The following WNT2 variants were observed in gnomAD, a reference collection of about 807,000 sequenced individuals.
WNT2 encodes the protein protein Wnt-2.
WNT2 carries 12 observed loss-of-function variants against 36.9 expected under a neutral mutation model. The observed-to-expected ratio is 0.33, with a 90% CI of 0.21 to 0.53. The LOEUF (loss-of-function observed/expected upper bound fraction) is 0.53, where lower values mean the gene tolerates loss of function less well. Among genes scored for constraint, WNT2 ranks in the 20% least tolerant of loss-of-function variants. The probability of loss-of-function intolerance (pLI) is 0.95; values close to 1 mark genes in which losing one functional copy is unlikely to be tolerated. For synonymous variants in WNT2, 163 were observed against 174.6 expected (o/e 0.93, Z 0.52); for missense variants, 379 against 473.1 (o/e 0.80, Z 1.84).
intron 4 of WNT2, among the ~76,000 whole-genome samples, chr7:117,281,301 G>A (rs894082511): frequency 1.7e-4 from 26 of 152,228 alleles, no homozygotes; most frequent in East Asian, 7.7e-4. Context: ...GCAGTGGCAC[G>A]AACATGGCTC....
At chr7:117,312,920 T>C (rs1370328913) in intron 3 of WNT2, among the ~76,000 whole-genome samples, 1 of 152,222 alleles carries the variant, frequency 6.6e-6, no homozygotes, top group Non-Finnish European at 1.5e-5. Flanking sequence ...ATAGATGGTT[T>C]TTAAAAAAAT....
Position 117,309,874 on chromosome 7 carries a change from A to G in WNT2, c.588+5197T>C, listed in dbSNP as rs1795089234. 3.9e-5 allele frequency among the ~76,000 whole-genome samples: 6 copies of G among 152,182 alleles called. No homozygotes were observed. The South Asian group carries it at 1.2e-3, about 31-fold the overall frequency. On this transcript the variant is annotated intron_variant, in intron 3 of 4. Coordinates refer to ENST00000265441, the MANE Select transcript of WNT2 (RefSeq NM_003391.3). ...TAATAAACACCCAGAAGCTTTCTAT[A>G]TCAGTACTTATATGTATATTTAAGG...
intron 3 of WNT2, among the ~76,000 whole-genome samples, chr7:117,314,281 G>A (rs1000766952): frequency 2.0e-5 from 3 of 152,200 alleles, no homozygotes; most frequent in African/African-American, 7.2e-5. Flanking sequence ...AAAGACATGG[G>A]TCATCAGTGG....
At chr7:117,292,786 G>A (rs564658865) in intron 4 of WNT2, among the ~76,000 whole-genome samples, 5 of 152,280 alleles carry the variant, frequency 3.3e-5, no homozygotes, top group African/African-American at 1.2e-4. Flanking sequence ...GACATGGTGG[G>A]AGATGTTTTT....
intron 4 of WNT2, among the ~76,000 whole-genome samples, chr7:117,282,009 C>CT (rs771850894): frequency 6.6e-6 from 1 of 152,020 alleles, no homozygotes; most frequent in African/African-American, 2.4e-5. Context: ...AAGGGTGGGA[C>CT]TTTAAGATTA....
intron 4 of WNT2, among the ~76,000 whole-genome samples, chr7:117,283,508 T>A (rs560086351): frequency 9.2e-5 from 14 of 152,330 alleles, no homozygotes; most frequent in African/African-American, 3.1e-4. Context: ...GAAATCTAAC[T>A]TGGTAGTCTT....
At chr7:117,304,672 A>G (rs553508455) in intron 3 of WNT2, among the ~76,000 whole-genome samples, 1 of 152,170 alleles carries the variant, frequency 6.6e-6, no homozygotes, top group East Asian at 1.9e-4. Context: ...CTGACCTCAG[A>G]TGATCCACCC....
chr7:117,302,766 G>A (rs1259233759), intron 3 of WNT2, among the ~76,000 whole-genome samples: 1 of 152,150 alleles, frequency 6.6e-6, no homozygotes, highest in African/African-American at 2.4e-5. Context: ...CTTACAGGCA[G>A]GAAAGAAAGT....
intron 3 of WNT2, among the ~76,000 whole-genome samples, chr7:117,311,314 T>C (rs1795118373): frequency 6.6e-6 from 1 of 152,230 alleles, no homozygotes; most frequent in Admixed American, 6.5e-5. Flanking sequence ...CTGCTGGTTT[T>C]TCCCCCGTAC....
At chr7:117,280,854 T>C (rs1393025494) in intron 4 of WNT2, among the ~76,000 whole-genome samples, 1 of 152,246 alleles carries the variant, frequency 6.6e-6, no homozygotes, top group Non-Finnish European at 1.5e-5. Flanking sequence ...CAAGTGTTTA[T>C]TGAGTGACTA....
At chr7:117,297,947 C>A in intron 3 of WNT2, 71 bp from the exon 4 acceptor site, 1 of 1,518,980 alleles carries the variant, frequency 6.6e-7, no homozygotes, top group Non-Finnish European at 8.9e-7. Context: ...CTCCTTACCT[C>A]CCAGCAATCC....
At chr7:117,312,482 T>G (rs551906749) in intron 3 of WNT2, among the ~76,000 whole-genome samples, 1 of 152,330 alleles carries the variant, frequency 6.6e-6, no homozygotes, top group South Asian at 2.1e-4. Flanking sequence ...TGCATGTAAT[T>G]TACCTAAAAC....
At position 117,297,620 on chromosome 7, in the gene WNT2, C is replaced by T. The variant is rs140771690; in HGVS notation, c.845G>A (p.Arg282Gln). 38 of 1,604,980 alleles carry T rather than the reference C, an allele frequency of 2.4e-5. No individual in the cohort carries two copies. Among genetic ancestry groups the T allele is most frequent in the African/African-American group, 1.3e-4 (10 of 74,768 alleles). Residue 282 changes from arginine to glutamine, a missense_variant, in exon 4 of 5, where the codon CGA becomes CAA. Coordinates refer to ENST00000265441, the MANE Select transcript of WNT2 (RefSeq NM_003391.3). ...AAGTCTTTTGAACTTACCTGCCTCT[C>T]GGTCCCTGATACAGTAGTCTGGAGA... is the stretch of plus-strand genomic sequence containing the variant. ...ENSPDYCIRD[R>Q]EAGSLGTAGR...
chr7:117,295,171 G>T (rs1485624757), intron 4 of WNT2, among the ~76,000 whole-genome samples: 1 of 152,164 alleles, frequency 6.6e-6, no homozygotes, highest in African/African-American at 2.4e-5. Flanking sequence ...AGACGAGACA[G>T]CCAGGCTCAG....
At chr7:117,290,742 T>A (rs1313022876) in intron 4 of WNT2, among the ~76,000 whole-genome samples, 2 of 152,224 alleles carry the variant, frequency 1.3e-5, no homozygotes, top group Non-Finnish European at 2.9e-5. Context: ...TGTGTCCCAG[T>A]GCCTGGCTAC....
Position 117,322,890 on chromosome 7 carries a change from C to G in WNT2, c.83+17G>C. The G allele has an allele frequency of 6.2e-7, 1 of 1,613,282 alleles. No individual in the cohort carries two copies. The highest frequency in any genetic ancestry group is 2.2e-5 in the East Asian group (1 of 44,850). On this transcript the variant is annotated intron_variant, in intron 1 of 4. Coordinates refer to ENST00000265441, the MANE Select transcript of WNT2 (RefSeq NM_003391.3). This position sits in a 1 kb window ranked among gnomAD's most constrained non-coding sequence, Gnocchi z 5.4. ...TCCGATCTCCAAAATCCCCCGCGCCCGTGCGCGTGGACTTACCACCATGAA... is the reference window on the plus strand; with the variant it reads ...TCCGATCTCCAAAATCCCCCGCGCCGGTGCGCGTGGACTTACCACCATGAA...
chr7:117,304,610 AT>A (rs1308815951), intron 3 of WNT2, among the ~76,000 whole-genome samples: 1 of 151,728 alleles, frequency 6.6e-6, no homozygotes, highest in Non-Finnish European at 1.5e-5. Context: ...TAATTTTTGT[AT>A]TTTCAGTAGA....
intron 2 of WNT2, 44 bp downstream of exon 2, chr7:117,320,523 C>A: frequency 6.4e-7 from 1 of 1,557,302 alleles, no homozygotes; most frequent in Non-Finnish European, 8.8e-7. Flanking sequence ...GGGAGCTGTG[C>A]ATGAGTGGAG....
At chr7:117,295,341 T>A (rs1056408358) in intron 4 of WNT2, among the ~76,000 whole-genome samples, 3 of 152,224 alleles carry the variant, frequency 2.0e-5, no homozygotes, top group Non-Finnish European at 4.4e-5. Flanking sequence ...AGCTCTGGCA[T>A]GTGATGGGTA....
Sources: gnomAD v4.1 joint callset for allele counts (sites outside exome capture counted in the v4.1 genomes callset) on GRCh38, gnomAD v4.1.1 for gene constraint, Gnocchi (gnomAD v3.1) non-coding constraint, MANE v1.5 for transcripts, NCBI Gene and HGNC (gene_info 2026-07-23, HGNC 2026-07-21) for gene names.